Variants in CFAP54 observed in about 807,000 individuals in gnomAD.
CFAP54 encodes the protein cilia- and flagella-associated protein 54.
In CFAP54, 290 loss-of-function variants were observed where a neutral mutation model predicts 370.4. That is an observed-to-expected ratio of 0.78 (90% CI 0.71 to 0.86). The LOEUF (loss-of-function observed/expected upper bound fraction) is 0.86. Among genes scored for constraint, CFAP54 ranks in the 40% least tolerant of loss-of-function variants. CFAP54 has a pLI of 0.00. For synonymous variants in CFAP54, 1,206 were observed against 1,236.5 expected, an observed-to-expected ratio of 0.98 and a Z score of 0.52; for missense variants, 3,399 against 3,528.7, an observed-to-expected ratio of 0.96 and a Z score of 0.93.
chr12:96,606,431 T>C (rs758460798), intron 26 of CFAP54, among the ~76,000 whole-genome samples: 3 of 152,242 alleles, frequency 2.0e-5, no homozygotes, highest in Non-Finnish European at 4.4e-5. Flanking sequence ...ACAGAATCAC[T>C]GTATTCCCAC....
At chr12:96,593,822 A>G (rs1461329191) in intron 24 of CFAP54, among the ~76,000 whole-genome samples, 1 of 152,108 alleles carries the variant, frequency 6.6e-6, no homozygotes, top group African/African-American at 2.4e-5. Context: ...TTTAAATTTA[A>G]GTAGCAGAAG....
intron 15 of CFAP54, among the ~76,000 whole-genome samples, chr12:96,551,485 A>ATGTGTGTGTGTGTG (rs10582056): frequency 1.5e-4 from 21 of 143,868 alleles, no homozygotes; most frequent in African/African-American, 4.7e-4. Flanking sequence ...TTGAATGGGT[A>ATGTGTGTGTGTGTG]TGTGTGTGTG....
At chr12:96,605,113 C>T (rs764921913) in intron 26 of CFAP54, among the ~76,000 whole-genome samples, 3 of 152,106 alleles carry the variant, frequency 2.0e-5, no homozygotes, top group African/African-American at 4.8e-5. Flanking sequence ...ATCTTGGAAG[C>T]GACTGCATTT....
chr12:96,585,130 C>T, intron 22 of CFAP54, among the ~76,000 whole-genome samples: 1 of 151,490 alleles, frequency 6.6e-6, no homozygotes, highest in East Asian at 1.9e-4. Flanking sequence ...TGACTTGTGA[C>T]TTGTTTTTAT....
intron 63 of CFAP54, among the ~76,000 whole-genome samples, chr12:96,794,954 C>A (rs992720819): frequency 1.3e-5 from 2 of 152,118 alleles, no homozygotes; most frequent in Admixed American, 6.5e-5. Context: ...GTGTTCTCCC[C>A]CTTCCCCTAG....
intron 19 of CFAP54, chr12:96,573,138 A>T (rs1336848328): frequency 1.4e-6 from 1 of 713,634 alleles, no homozygotes; most frequent in African/African-American, 1.9e-5. Flanking sequence ...CCGAGGAAGG[A>T]TATGTCTCCA....
intron 19 of CFAP54, 30 bp from the exon 20 acceptor site, chr12:96,576,555 A>G (rs1955978562): frequency 2.8e-6 from 4 of 1,419,478 alleles, no homozygotes; most frequent in Non-Finnish European, 3.8e-6. Context: ...CTCTTGACAT[A>G]TATTTTTCTA....
intron 26 of CFAP54, among the ~76,000 whole-genome samples, chr12:96,600,502 G>GT (rs1315910812): frequency 2.6e-5 from 4 of 152,160 alleles, no homozygotes; most frequent in African/African-American, 9.7e-5. Flanking sequence ...ACTTAAAGTA[G>GT]TTTTTTCCCA....
intron 63 of CFAP54, among the ~76,000 whole-genome samples, chr12:96,796,430 C>A (rs1048891009): frequency 2.6e-5 from 4 of 152,244 alleles, no homozygotes; most frequent in East Asian, 3.9e-4. Flanking sequence ...ATTTGGAGTA[C>A]CTTTTTTTAT....
intron 60 of CFAP54, among the ~76,000 whole-genome samples, chr12:96,767,210 C>T (rs1958409488): frequency 6.6e-6 from 1 of 152,174 alleles, no homozygotes; most frequent in African/African-American, 2.4e-5. Context: ...CAAACTATCG[C>T]ATATGACAAA....
intron 14 of CFAP54, among the ~76,000 whole-genome samples, chr12:96,543,442 T>G (rs534756328): frequency 6.6e-6 from 1 of 152,312 alleles, no homozygotes; most frequent in African/African-American, 2.4e-5. Context: ...GGCTTTTATC[T>G]GTCATTGGTG....
chr12:96,760,604 C>T (rs1450251507), intron 58 of CFAP54, among the ~76,000 whole-genome samples: 6 of 152,204 alleles, frequency 3.9e-5, no homozygotes, highest in African/African-American at 1.4e-4. Flanking sequence ...GTGATCTAGG[C>T]TCACTGCAAC....
At chr12:96,856,320 C>G (rs1055695565) in intron 66 of CFAP54, among the ~76,000 whole-genome samples, 3 of 152,220 alleles carry the variant, frequency 2.0e-5, no homozygotes, top group African/African-American at 7.2e-5. Context: ...TTTACTTATG[C>G]AAATTTATGC....
At chr12:96,581,363 A>G (rs1322543964) in intron 22 of CFAP54, among the ~76,000 whole-genome samples, 1 of 152,158 alleles carries the variant, frequency 6.6e-6, no homozygotes, top group Non-Finnish European at 1.5e-5. Flanking sequence ...ATGCTGGAAA[A>G]CACTGAAATG....
At chr12:96,628,323 C>T (rs1368482450) in intron 30 of CFAP54, among the ~76,000 whole-genome samples, 3 of 152,176 alleles carry the variant, frequency 2.0e-5, no homozygotes, top group South Asian at 2.1e-4. Context: ...CTCCACAGAG[C>T]AGTGAACAGA....
chr12:96,535,537 A>G lies in CFAP54; in HGVS notation c.1728A>G (p.Gly576=). ...TAGATACTTGTTTGAAGACTTGTGG[A>G]TATTCAGAGGATATTTTCCATTTGG... ...AVHDTCLKTC[G]YSEDIFHLAA... Residue 576 remains glycine, a synonymous_variant, in exon 12 of 68, where the codon GGA becomes GGG. Coordinates refer to ENST00000524981, the MANE Select transcript of CFAP54 (RefSeq NM_001306084.2). 12 of 1,535,546 alleles carry G rather than the reference A, an allele frequency of 7.8e-6. No homozygotes were observed. The highest frequency in any genetic ancestry group is 4.9e-5 in the East Asian group (2 of 40,872).
At chr12:96,694,296 G>T (rs1244328520) in intron 45 of CFAP54, among the ~76,000 whole-genome samples, 2 of 152,162 alleles carry the variant, frequency 1.3e-5, no homozygotes, top group African/African-American at 4.8e-5. Flanking sequence ...ATGTGTGATT[G>T]ATTGGCTTGA....
chr12:96,499,913 T>TCC (rs752139558), intron 1 of CFAP54, among the ~76,000 whole-genome samples: 1 of 147,172 alleles, frequency 6.8e-6, no homozygotes, highest in Non-Finnish European at 1.5e-5. Context: ...GCCACTGCAC[T>TCC]CCAGCCTGTG....
At chr12:96,551,187 A>T (rs1267897427) in intron 15 of CFAP54, among the ~76,000 whole-genome samples, 1 of 147,492 alleles carries the variant, frequency 6.8e-6, no homozygotes, top group Non-Finnish European at 1.5e-5. Context: ...GAGCCCGGGA[A>T]ATCAAGGCTG....
Sources: allele counts gnomAD v4.1 joint callset (sites outside exome capture counted in the v4.1 genomes callset), GRCh38; gene constraint gnomAD v4.1.1; transcripts MANE v1.5; gene names NCBI Gene and HGNC (gene_info 2026-07-23, HGNC 2026-07-21).